Variants in ADCY1 observed in about 807,000 individuals in gnomAD.
The protein encoded by ADCY1 is adenylate cyclase 1, also known as adenylate cyclase type 1.
A neutral mutation model predicts 105.4 loss-of-function variants in ADCY1; 28 were observed. The observed-to-expected ratio is 0.27, with a 90% CI of 0.20 to 0.36. The LOEUF (loss-of-function observed/expected upper bound fraction) is 0.36. ADCY1 is among the 10% of genes least tolerant of loss of function. The pLI, the probability that ADCY1 is intolerant of heterozygous loss-of-function variation, is 1.00. For synonymous variants in ADCY1, 655 were observed against 623.8 expected, an observed-to-expected ratio of 1.05 and a Z score of -0.75; for missense variants, 977 against 1,434.2, an observed-to-expected ratio of 0.68 and a Z score of 5.15.
intron 18 of ADCY1, among the ~76,000 whole-genome samples, chr7:45,709,585 G>A (rs867480191): frequency 1.3e-5 from 2 of 152,196 alleles, no homozygotes; most frequent in South Asian, 4.1e-4. Context: ...CCACTGTGCC[G>A]CCTGCTCTCA....
chr7:45,658,983 G>A (rs925262772), intron 6 of ADCY1, among the ~76,000 whole-genome samples: 1 of 152,250 alleles, frequency 6.6e-6, no homozygotes, highest in African/African-American at 2.4e-5. Flanking sequence ...GTTGATGACA[G>A]GAATCGGCCC....
chr7:45,651,324 C>T (rs928786245), intron 5 of ADCY1, among the ~76,000 whole-genome samples: 8 of 152,164 alleles, frequency 5.3e-5, no homozygotes, highest in African/African-American at 1.9e-4. Flanking sequence ...TCTGTTGGGA[C>T]CATCTTGGCA....
chr7:45,613,785 T>G (rs1403460679), intron 3 of ADCY1, among the ~76,000 whole-genome samples: 3 of 152,132 alleles, frequency 2.0e-5, no homozygotes, highest in Non-Finnish European at 4.4e-5. Context: ...AAAAGTGATT[T>G]GTCACATACA....
Position 45,721,369 on chromosome 7 carries a change from A to G in ADCY1, c.*7374A>G. 1 of 275,236 alleles carries G rather than the reference A, an allele frequency of 3.6e-6. No individual in the cohort carries two copies. The highest frequency in any genetic ancestry group is 6.0e-5 in the East Asian group (1 of 16,624). The allele number at this position is 275,236 out of a possible 1,614,324, so 17.0% of individuals were successfully genotyped here. ...GCTTTAAAAATCCCTACTTTGTCAT[A>G]TCAGACTATATTCTAAAACTATATT... On this transcript the variant is annotated 3_prime_UTR_variant, in exon 20 of 20. Coordinates refer to ENST00000297323, the MANE Select transcript of ADCY1 (RefSeq NM_021116.4).
chr7:45,649,060 G>A (rs1794744803), intron 5 of ADCY1, among the ~76,000 whole-genome samples: 1 of 152,210 alleles, frequency 6.6e-6, no homozygotes, highest in African/African-American at 2.4e-5. Flanking sequence ...CCTGCATATT[G>A]TCAGGTATGC....
rs1346637352 is a variant in ADCY1 at position 45,647,786 on chromosome 7, GATTC to G, written c.1021-880_1021-877del. ...ATGTTATTTATGTTAACATGCAGTG[GATTC>G]ATTATTATTTTAAATGCATTTGTAC... On this transcript the variant is annotated intron_variant, in intron 4 of 19. Coordinates refer to ENST00000297323, the MANE Select transcript of ADCY1 (RefSeq NM_021116.4). This position sits in a 1 kb window ranked among gnomAD's most constrained non-coding sequence, Gnocchi z 4.6. Among the ~76,000 whole-genome samples, 1 of 152,166 alleles carries G rather than the reference GATTC, an allele frequency of 6.6e-6. No homozygotes were observed. Among genetic ancestry groups the G allele is most frequent in the Non-Finnish European group, 1.5e-5 (1 of 68,042 alleles).
intron 8 of ADCY1, among the ~76,000 whole-genome samples, chr7:45,674,007 A>T (rs1489469617): frequency 7.3e-5 from 2 of 27,412 alleles, no homozygotes; most frequent in East Asian, 1.2e-3. Flanking sequence ...ATATATATAT[A>T]TGTTTTTGTT....
chr7:45,632,801 C>G (rs536094589), intron 4 of ADCY1, among the ~76,000 whole-genome samples: 252 of 152,174 alleles, frequency 1.7e-3, no homozygotes, highest in Non-Finnish European at 2.3e-3. Context: ...AACTCCTGAG[C>G]TCAAGAGATA....
chr7:45,605,281 T>G (rs74367703), intron 2 of ADCY1, among the ~76,000 whole-genome samples: 179 of 152,320 alleles, frequency 1.2e-3, no homozygotes, highest in African/African-American at 4.0e-3. Flanking sequence ...GACCATCATA[T>G]TACTTTTATT....
In ADCY1 at chr7:45,582,658, C is replaced by T. The variant is rs73694808; in HGVS notation, c.639+7476C>T. ...CTCCCTCCCAGTGTTTCTCCTCTGT[C>T]CCCTTTAACCCTTCAGCTCCCTGTG... On this transcript the variant is annotated intron_variant, in intron 1 of 19. Transcript: ENST00000297323. Among the ~76,000 whole-genome samples the T allele has an allele frequency of 7.5e-3, 1,136 of 152,232 alleles. 17 individuals carry two copies. The highest frequency in any genetic ancestry group is 0.026 in the African/African-American group (1,091 of 41,534).
chr7:45,656,666 G>A (rs547704856), intron 5 of ADCY1, among the ~76,000 whole-genome samples: 1 of 152,292 alleles, frequency 6.6e-6, no homozygotes, highest in East Asian at 1.9e-4. Context: ...GGGAAGTTGG[G>A]GTGAAGGTGA....
intron 2 of ADCY1, among the ~76,000 whole-genome samples, chr7:45,593,345 T>G (rs925344570): frequency 6.6e-6 from 1 of 152,178 alleles, no homozygotes; most frequent in African/African-American, 2.4e-5. Context: ...AAGGCAGAGA[T>G]GCCCTTTTGC....
At position 45,684,951 on chromosome 7, in the gene ADCY1, A is replaced by G. The variant is rs180980515; in HGVS notation, c.1984-28A>G. 8.2e-6 allele frequency: 13 copies of G among 1,589,834 alleles called. No homozygotes were observed. The African/African-American group carries it at 1.6e-4, about 20-fold the overall frequency. On this transcript the variant is annotated intron_variant, in intron 11 of 19. Transcript: ENST00000297323. The stretch of plus-strand genomic sequence containing the variant: ...TGAATCACCTTGGTAATCAGAGGGT[A>G]TTTTCTAAATTAACATTTCTTATTC...
At chr7:45,594,627 C>T (rs1793020902) in intron 2 of ADCY1, among the ~76,000 whole-genome samples, 1 of 152,136 alleles carries the variant, frequency 6.6e-6, no homozygotes, top group Admixed American at 6.5e-5. Context: ...CTCTTTCCTC[C>T]CAGTATTGTC....
intron 4 of ADCY1, among the ~76,000 whole-genome samples, chr7:45,630,849 T>A (rs1001122090): frequency 6.6e-6 from 1 of 152,192 alleles, no homozygotes; most frequent in African/African-American, 2.4e-5. Context: ...GCCATGTAAG[T>A]TTGCATTTAC....
At chr7:45,637,298 T>A (rs895875375) in intron 4 of ADCY1, among the ~76,000 whole-genome samples, 1 of 152,248 alleles carries the variant, frequency 6.6e-6, no homozygotes, top group Non-Finnish European at 1.5e-5. Flanking sequence ...TACATTTTAT[T>A]TACACAGTCA....
intron 4 of ADCY1, among the ~76,000 whole-genome samples, chr7:45,637,876 A>G (rs1187475172): frequency 2.6e-5 from 4 of 152,206 alleles, no homozygotes; most frequent in African/African-American, 9.6e-5. Flanking sequence ...CTAGGTTGAC[A>G]GTTTTGCTTT....
In ADCY1 at chr7:45,676,328, A is replaced by G. The variant is rs1261996000; in HGVS notation, c.1606-1541A>G. 2.6e-5 allele frequency among the ~76,000 whole-genome samples: 4 copies of G among 151,946 alleles called. No individual in the cohort carries two copies. The East Asian group carries it at 7.8e-4, about 30-fold the overall frequency. ...TAATGACTGCTTTAAAATTCTTGTC[A>G]GATAATTTTAACAACTCTATCATCT... is the stretch of plus-strand genomic sequence containing the variant. On this transcript the variant is annotated intron_variant, in intron 8 of 19. Coordinates refer to ENST00000297323, the MANE Select transcript of ADCY1 (RefSeq NM_021116.4).
At chr7:45,598,997 C>G (rs1464107928) in intron 2 of ADCY1, among the ~76,000 whole-genome samples, 1 of 152,198 alleles carries the variant, frequency 6.6e-6, no homozygotes, top group African/African-American at 2.4e-5. Context: ...TTGGTCCCTG[C>G]CCTGCTGCTG....
Sources: gnomAD v4.1 joint callset for allele counts (sites outside exome capture counted in the v4.1 genomes callset) on GRCh38, gnomAD v4.1.1 for gene constraint, Gnocchi (gnomAD v3.1) non-coding constraint, MANE v1.5 for transcripts, NCBI Gene and HGNC (gene_info 2026-07-23, HGNC 2026-07-21) for gene names.